The following ZNF423 variants were observed in gnomAD, a reference collection of about 807,000 sequenced individuals.
The protein encoded by ZNF423 is zinc finger protein 423.
ZNF423 carries 12 observed loss-of-function variants against 95.8 expected under a neutral mutation model. The observed-to-expected ratio is 0.13, with a 90% CI of 0.08 to 0.20. ZNF423 has a LOEUF of 0.20. ZNF423 is among the 10% of genes least tolerant of loss of function. ZNF423 has a pLI of 1.00. For synonymous variants in ZNF423, 749 were observed against 711.9 expected (o/e 1.05, Z -0.83); for missense variants, 1,316 against 1,737.1 (o/e 0.76, Z 4.31).
chr16:49,804,232 G>A (rs945622207), intron 1 of ZNF423, among the ~76,000 whole-genome samples: 7 of 152,106 alleles, frequency 4.6e-5, no homozygotes, highest in African/African-American at 1.7e-4. Context: ...ACTGCGCCCC[G>A]CCTTCAGATG....
At chr16:49,570,647 T>G (rs780098776) in intron 5 of ZNF423, among the ~76,000 whole-genome samples, 17 of 152,172 alleles carry the variant, frequency 1.1e-4, no homozygotes, top group Non-Finnish European at 2.5e-4. Context: ...AGATAGCATG[T>G]TTGATGTTAT....
chr16:49,621,034 C>A (rs188080800), intron 5 of ZNF423, among the ~76,000 whole-genome samples: 7 of 152,062 alleles, frequency 4.6e-5, no homozygotes, highest in Non-Finnish European at 7.4e-5. Flanking sequence ...CTTCAGCAGC[C>A]CCCCCGGGGA....
chr16:49,575,347 TC>T (rs1283760004), intron 5 of ZNF423, among the ~76,000 whole-genome samples: 1 of 152,106 alleles, frequency 6.6e-6, no homozygotes, highest in Non-Finnish European at 1.5e-5. Flanking sequence ...GGTATTTAGC[TC>T]CTAATTTAAG....
intron 5 of ZNF423, among the ~76,000 whole-genome samples, chr16:49,539,018 G>A (rs1439496977): frequency 6.6e-6 from 1 of 152,212 alleles, no homozygotes; most frequent in Admixed American, 6.5e-5. Context: ...AATGCTAATA[G>A]TTTGCTGTGC....
At chr16:49,760,260 T>C (rs982293331) in intron 2 of ZNF423, among the ~76,000 whole-genome samples, 1 of 128,390 alleles carries the variant, frequency 7.8e-6, no homozygotes, top group African/African-American at 3.0e-5. Flanking sequence ...GATGGATTAA[T>C]GAATGGATGG....
chr16:49,710,212 A>C (rs2032499351), intron 3 of ZNF423, among the ~76,000 whole-genome samples: 1 of 152,220 alleles, frequency 6.6e-6, no homozygotes, highest in South Asian at 2.1e-4. Context: ...CGAAGAGGTG[A>C]CCTGCTCGTC....
chr16:49,622,349 C>G (rs1219884492), intron 5 of ZNF423, among the ~76,000 whole-genome samples: 2 of 151,980 alleles, frequency 1.3e-5, no homozygotes, highest in Admixed American at 6.6e-5. Flanking sequence ...ACCCCAACCC[C>G]CTCCCCATTC....
chr16:49,740,576 C>T (rs964750512), intron 2 of ZNF423, among the ~76,000 whole-genome samples: 7 of 152,242 alleles, frequency 4.6e-5, no homozygotes, highest in African/African-American at 1.4e-4. Context: ...TATTTTAACA[C>T]ATAATTTGCT....
At chr16:49,631,617 G>C (rs1162884930) in intron 4 of ZNF423, among the ~76,000 whole-genome samples, 2 of 152,182 alleles carry the variant, frequency 1.3e-5, no homozygotes, top group African/African-American at 4.8e-5. Context: ...AACTGCAGAG[G>C]GGGGCCCCGG....
Position 49,636,571 on chromosome 16 carries a change from T to C in ZNF423, c.2605A>G (p.Met869Val), listed in dbSNP as rs762086382. The C allele has an allele frequency of 7.4e-6, 12 of 1,613,884 alleles. No individual in the cohort carries two copies. Among genetic ancestry groups the C allele is most frequent in the Middle Eastern group, 1.6e-4 (1 of 6,084 alleles). ...KKAEPADLQG[M>V]LLKNPEAPNS... ...GGTGCCTCAGGGTTCTTAAGCAGCA[T>C]GCCCTGCAGGTCAGCAGGCTCAGCT... The change falls in exon 4 of 8, where the codon ATG (methionine) becomes GTG (valine). Residue 869 changes from methionine to valine, a missense_variant. Coordinates refer to ENST00000563137, the MANE Select transcript of ZNF423 (RefSeq NM_001379286.1). This position sits in a 1 kb window ranked among gnomAD's most constrained non-coding sequence, Gnocchi z 8.6.
intron 1 of ZNF423, among the ~76,000 whole-genome samples, chr16:49,842,314 A>AGGGG (rs749706328): frequency 4.7e-4 from 9 of 18,968 alleles, no homozygotes; most frequent in Non-Finnish European, 6.4e-4. Context: ...GAGGCGAGGG[A>AGGGG]AGGGAAGGGA....
At chr16:49,614,132 G>A (rs760371880) in intron 5 of ZNF423, among the ~76,000 whole-genome samples, 25 of 152,160 alleles carry the variant, frequency 1.6e-4, no homozygotes, top group Non-Finnish European at 3.4e-4. Flanking sequence ...ATTAGACAAT[G>A]GGCAAAATTT....
In ZNF423 at chr16:49,735,892, A is replaced by G. The variant is rs2033275399; in HGVS notation, c.101-4921T>C. ...CCCAGTGAGACTGCCAGCTGAACCC[A>G]GTTAGCTCATAGTACTGTGAGAAGT... On this transcript the variant is annotated intron_variant, in intron 2 of 7. Coordinates refer to ENST00000563137, the MANE Select transcript of ZNF423 (RefSeq NM_001379286.1). Among the ~76,000 whole-genome samples, 4 of 152,192 alleles carry G rather than the reference A, an allele frequency of 2.6e-5. 1 individual carries two copies. The highest frequency in any genetic ancestry group is 2.9e-5 in the Non-Finnish European group (2 of 68,032).
intron 3 of ZNF423, among the ~76,000 whole-genome samples, chr16:49,656,901 T>C (rs2029901656): frequency 6.6e-6 from 1 of 152,224 alleles, no homozygotes; most frequent in Non-Finnish European, 1.5e-5. Flanking sequence ...TAAAGGTTAA[T>C]TGACAGGCTC....
chr16:49,742,359 A>AG (rs1294908667), intron 2 of ZNF423, among the ~76,000 whole-genome samples: 1 of 152,148 alleles, frequency 6.6e-6, no homozygotes, highest in African/African-American at 2.4e-5. Context: ...GGAGGGAAGC[A>AG]GGGGGGAGAA....
intron 1 of ZNF423, among the ~76,000 whole-genome samples, chr16:49,831,475 G>C (rs1395748429): frequency 6.6e-6 from 1 of 152,150 alleles, no homozygotes; most frequent in Non-Finnish European, 1.5e-5. Flanking sequence ...TTGGGCCGCA[G>C]AGCCTCAGTT....
At chr16:49,495,476 C>T (rs1205201249) in intron 7 of ZNF423, among the ~76,000 whole-genome samples, 1 of 152,242 alleles carries the variant, frequency 6.6e-6, no homozygotes, top group Non-Finnish European at 1.5e-5. Context: ...CCCTGACACA[C>T]CCTCAGCCTC....
At chr16:49,675,134 A>G (rs1430860771) in intron 3 of ZNF423, among the ~76,000 whole-genome samples, 1 of 152,194 alleles carries the variant, frequency 6.6e-6, no homozygotes, top group Non-Finnish European at 1.5e-5. Flanking sequence ...CAACATTTAT[A>G]GCTGGTCTAC....
intron 3 of ZNF423, among the ~76,000 whole-genome samples, chr16:49,646,639 T>C (rs1477378805): frequency 6.6e-6 from 1 of 150,728 alleles, no homozygotes; most frequent in African/African-American, 2.4e-5. Context: ...GGCACGATCT[T>C]GGCTTCCTGC....
Sources: allele counts gnomAD v4.1 joint callset (sites outside exome capture counted in the v4.1 genomes callset), GRCh38; gene constraint gnomAD v4.1.1; non-coding constraint Gnocchi (gnomAD v3.1); transcripts MANE v1.5; gene names NCBI Gene and HGNC (gene_info 2026-07-23, HGNC 2026-07-21).